The following SLCO1B1 variants were observed in gnomAD, a reference collection of about 807,000 sequenced individuals.
SLCO1B1 encodes solute carrier organic anion transporter family member 1B1.
In SLCO1B1, 81 loss-of-function variants were observed where a neutral mutation model predicts 70.1. That is an observed-to-expected ratio of 1.16 (90% CI 0.97 to 1.39). The LOEUF is 1.39. SLCO1B1 is among the 40% of genes most tolerant of loss of function. The pLI is 0.00. For synonymous variants in SLCO1B1, 283 were observed against 271.5 expected (o/e 1.04, Z -0.42); for missense variants, 895 against 799.6 (o/e 1.12, Z -1.44).
chr12:21,201,100 T>G (rs1464429578), intron 9 of SLCO1B1, among the ~76,000 whole-genome samples: 1 of 152,136 alleles, frequency 6.6e-6, no homozygotes, highest in Non-Finnish European at 1.5e-5. Flanking sequence ...CATCAAAATA[T>G]GCATAATTCA....
chr12:21,196,638 A>C (rs1445718363), intron 7 of SLCO1B1, among the ~76,000 whole-genome samples: 1 of 152,140 alleles, frequency 6.6e-6, no homozygotes, highest in Non-Finnish European at 1.5e-5. Flanking sequence ...ACAGGTAGTA[A>C]TTAAACAGTC....
intron 2 of SLCO1B1, among the ~76,000 whole-genome samples, chr12:21,155,689 A>G (rs11045796): frequency 0.13 from 19,858 of 152,172 alleles, 1,789 homozygotes; most frequent in Middle Eastern, 0.23. Context: ...AGGGGAGGGA[A>G]ATGAGCCTCA....
Position 21,206,589 on chromosome 12 carries a change from C to A in SLCO1B1, c.1497+556C>A, listed in dbSNP as rs539364588. 9.2e-5 allele frequency among the ~76,000 whole-genome samples: 14 copies of A among 151,956 alleles called. No homozygotes were observed. The East Asian group carries it at 2.5e-3, about 27-fold the overall frequency. On this transcript the variant is annotated intron_variant, in intron 11 of 14. Transcript: ENST00000256958. ...ATTTTCTATTTTGATTTTTCCAAAG[C>A]TGGCACTTCTACCCAAGATAATGTA...
intron 8 of SLCO1B1, among the ~76,000 whole-genome samples, chr12:21,199,476 C>T (rs553938759): frequency 6.6e-6 from 1 of 152,188 alleles, no homozygotes; most frequent in East Asian, 1.9e-4. Flanking sequence ...CTACTTGGGA[C>T]ACAATATTAT....
intron 2 of SLCO1B1, among the ~76,000 whole-genome samples, chr12:21,164,367 G>A (rs1050561473): frequency 6.6e-6 from 1 of 152,100 alleles, no homozygotes; most frequent in Non-Finnish European, 1.5e-5. Context: ...ATCCGAACTA[G>A]AAAACAAAAT....
At chr12:21,145,832 AAGT>A (rs1940375683) in intron 2 of SLCO1B1, among the ~76,000 whole-genome samples, 1 of 152,110 alleles carries the variant, frequency 6.6e-6, no homozygotes, top group African/African-American at 2.4e-5. Context: ...TGCTGAATGC[AAGT>A]GGTGCTGGTT....
rs761242183 is a variant in SLCO1B1, at chr12:21,196,978, T to C, written c.760T>C (p.Trp254Arg). ...CAGGATAACTCCTACTGATTCTCGA[T>C]GGGTTGGAGCTTGGTGGCTTAATTT... is the stretch of plus-strand genomic sequence containing the variant. ...TIRITPTDSR[W>R]VGAWWLNFLV... Residue 254 changes from tryptophan to arginine, a missense_variant, in exon 8 of 15, where the codon TGG (tryptophan) becomes CGG (arginine). Trp to Arg is a moderately radical substitution (Grantham distance 101). Coordinates refer to ENST00000256958, the MANE Select transcript of SLCO1B1 (RefSeq NM_006446.5). The C allele has an allele frequency of 6.2e-7, 1 of 1,613,650 alleles. No individual in the cohort carries two copies. The highest frequency in any genetic ancestry group is 2.2e-5 in the East Asian group (1 of 44,848).
chr12:21,208,596 G>C (rs140978050), intron 11 of SLCO1B1, among the ~76,000 whole-genome samples: 15 of 152,152 alleles, frequency 9.9e-5, no homozygotes, highest in African/African-American at 3.6e-4. Context: ...GCTTAGGATT[G>C]CTTTGACTAT....
intron 11 of SLCO1B1, among the ~76,000 whole-genome samples, chr12:21,215,527 C>T (rs1941347736): frequency 6.6e-6 from 1 of 152,082 alleles, no homozygotes; most frequent in South Asian, 2.1e-4. Context: ...AAAATAAAGC[C>T]TACTTGGTCA....
intron 2 of SLCO1B1, among the ~76,000 whole-genome samples, chr12:21,144,121 A>G (rs1233706453): frequency 6.6e-6 from 1 of 152,124 alleles, no homozygotes; most frequent in African/African-American, 2.4e-5. Flanking sequence ...CTTCTCTTCA[A>G]ATTTAAACCC....
intron 7 of SLCO1B1, among the ~76,000 whole-genome samples, chr12:21,185,420 G>A (rs11045829): frequency 0.088 from 13,355 of 152,038 alleles, 929 homozygotes; most frequent in East Asian, 0.25. Flanking sequence ...GAACAAAAGT[G>A]CAATAAAAAT....
intron 1 of SLCO1B1, among the ~76,000 whole-genome samples, chr12:21,138,215 G>GT (rs1940254979): frequency 1.3e-5 from 2 of 152,024 alleles, no homozygotes; most frequent in South Asian, 4.1e-4. Context: ...GCCTAAACCG[G>GT]TTTTCTATAA....
chr12:21,176,930 T>A, intron 5 of SLCO1B1, 33 bp downstream of exon 5: 1 of 1,457,984 alleles, frequency 6.9e-7, no homozygotes, highest in Non-Finnish European at 9.6e-7. Context: ...AAAAGTCTTC[T>A]AAAATGTATA....
At position 21,206,167 on chromosome 12, in the gene SLCO1B1, T is replaced by C. The variant is rs74064215; in HGVS notation, c.1497+134T>C. 1.8e-3 allele frequency: 1,323 copies of C among 745,452 alleles called. 19 individuals carry two copies. In the African/African-American group the frequency reaches 0.021, roughly 12 times the overall value. 46.2% of individuals were successfully genotyped at this position (745,452 alleles called of 1,614,324 possible). A position where few individuals can be genotyped will look rare whatever the true frequency, so the allele number is the denominator to read the frequency against. ...AGAAAGTTTCCAGTATTATCTGTTATTGTGATGGGTGTGATGTATAAACAA... is the reference window on the plus strand; with the variant it reads ...AGAAAGTTTCCAGTATTATCTGTTACTGTGATGGGTGTGATGTATAAACAA... On this transcript the variant is annotated intron_variant, in intron 11 of 14. Coordinates refer to ENST00000256958, the MANE Select transcript of SLCO1B1 (RefSeq NM_006446.5).
intron 7 of SLCO1B1, among the ~76,000 whole-genome samples, chr12:21,180,241 G>C (rs752510079): frequency 2.2e-4 from 33 of 151,818 alleles, no homozygotes; most frequent in Admixed American, 5.3e-4. Flanking sequence ...TTCAATTATT[G>C]ACTGAGTTAC....
chr12:21,172,010 G>A (rs1453066828), intron 2 of SLCO1B1, among the ~76,000 whole-genome samples: 9 of 152,056 alleles, frequency 5.9e-5, no homozygotes, highest in Non-Finnish European at 1.2e-4. Context: ...TTTGAGGTAG[G>A]GGATATAAAG....
At chr12:21,183,384 A>G (rs1030765098) in intron 7 of SLCO1B1, among the ~76,000 whole-genome samples, 1 of 152,016 alleles carries the variant, frequency 6.6e-6, no homozygotes, top group Non-Finnish European at 1.5e-5. Flanking sequence ...TTCTGTAAAG[A>G]CAGGGTTTTC....
At chr12:21,159,099 A>G (rs1940579129) in intron 2 of SLCO1B1, among the ~76,000 whole-genome samples, 1 of 152,200 alleles carries the variant, frequency 6.6e-6, no homozygotes, top group South Asian at 2.1e-4. Context: ...TCTGAATTAC[A>G]AAAGTCCCTC....
At chr12:21,222,167 T>C (rs1941429448) in intron 12 of SLCO1B1, 133 bp from the exon 13 acceptor site, 1 of 285,680 alleles carries the variant, frequency 3.5e-6, no homozygotes, top group African/African-American at 2.3e-5. Flanking sequence ...AAAATATAAT[T>C]TTATATAATG....
Sources: gnomAD v4.1 joint callset for allele counts (sites outside exome capture counted in the v4.1 genomes callset) on GRCh38, gnomAD v4.1.1 for gene constraint, MANE v1.5 for transcripts, NCBI Gene and HGNC (gene_info 2026-07-23, HGNC 2026-07-21) for gene names.